ACAN: variants seen among roughly 807,000 people sequenced by gnomAD.
ACAN encodes the protein aggrecan core protein.
Under a neutral mutation model 169.1 loss-of-function variants are expected in ACAN, and 47 were observed. The ratio of observed to expected loss-of-function variants is 0.28; its 90% CI spans 0.22 to 0.35. The LOEUF (loss-of-function observed/expected upper bound fraction) is 0.35. Among genes scored for constraint, ACAN ranks in the 10% least tolerant of loss-of-function variants. The pLI is 1.00. For synonymous variants in ACAN, 1,115 were observed against 1,112.2 expected (o/e 1.00, Z -0.05); for missense variants, 2,716 against 2,759.9 (o/e 0.98, Z 0.36).
chr15:88,816,089 G>A (rs1895936073), intron 1 of ACAN, among the ~76,000 whole-genome samples: 1 of 152,150 alleles, frequency 6.6e-6, no homozygotes, highest in Admixed American at 6.5e-5. Context: ...CTCCCTGTGT[G>A]TCTGTATTTC....
Position 88,849,927 on chromosome 15 carries a change from C to A in ACAN, c.2026+196C>A. The A allele has an allele frequency of 1.3e-6, 1 of 769,548 alleles. No individual in the cohort carries two copies. The allele number at this position is 769,548 out of a possible 1,614,324, so 47.7% of individuals were successfully genotyped here. A position where few individuals can be genotyped will look rare whatever the true frequency, so the allele number is the denominator to read the frequency against. On this transcript the variant is annotated intron_variant, in intron 10 of 18. Transcript: ENST00000560601. This position sits in a 1 kb window ranked among gnomAD's most constrained non-coding sequence, Gnocchi z 5.1. ...GCAAGGTCATCCTTCTAAAGTTCCC[C>A]AGAGACAAGTAGAGATAAATAAGAA...
intron 11 of ACAN, among the ~76,000 whole-genome samples, chr15:88,852,561 G>A (rs759909261): frequency 6.6e-6 from 1 of 152,196 alleles, no homozygotes; most frequent in African/African-American, 2.4e-5. Context: ...AGACTTAACA[G>A]GATGAAAGCA....
chr15:88,848,466 C>T (rs115256122), intron 9 of ACAN, among the ~76,000 whole-genome samples: 4,132 of 152,212 alleles, frequency 0.027, 195 homozygotes, highest in African/African-American at 0.095. Context: ...CCTGTAATCC[C>T]AGCACTTTGA....
chr15:88,860,317 G>C lies in ACAN; in HGVS notation c.6833-9G>C. On this transcript the variant is annotated splice_polypyrimidine_tract_variant and intron_variant, in intron 12 of 18. Coordinates refer to ENST00000560601, the MANE Select transcript of ACAN (RefSeq NM_001369268.1). Reference sequence around the variant, plus strand: ...TCTTGATGCTCAACCTCTCCCCTGGGGGTTGCAGCCCCCGCCAGGTCCTGT... The same window carrying C: ...TCTTGATGCTCAACCTCTCCCCTGGCGGTTGCAGCCCCCGCCAGGTCCTGT... 6.3e-7 allele frequency: 1 copy of C among 1,599,862 alleles called. No individual in the cohort carries two copies. Among genetic ancestry groups the C allele is most frequent in the Non-Finnish European group, 8.5e-7 (1 of 1,172,588 alleles).
intron 11 of ACAN, among the ~76,000 whole-genome samples, chr15:88,852,785 A>G (rs1371312393): frequency 1.3e-5 from 2 of 152,230 alleles, no homozygotes; most frequent in Non-Finnish European, 2.9e-5. Context: ...CATTGTTCAT[A>G]TCTAGCAGCT....
intron 1 of ACAN, among the ~76,000 whole-genome samples, chr15:88,812,463 C>T (rs1837709362): frequency 6.6e-6 from 1 of 152,160 alleles, no homozygotes; most frequent in Admixed American, 6.5e-5. Flanking sequence ...AAGCCCAATC[C>T]CTAGCCTTGG....
rs981398259 is a variant in ACAN at position 88,868,104 on chromosome 15, C to T, written c.6947-112C>T. ...AGTTCTCAGGAAAACCAGCCAGTTC[C>T]CTCCCAGGGGTCTGGAGAGCAGCAG... On this transcript the variant is annotated intron_variant, in intron 13 of 18. Coordinates refer to ENST00000560601, the MANE Select transcript of ACAN (RefSeq NM_001369268.1). The surrounding 1 kb of genome is among the most constrained non-coding windows in gnomAD (Gnocchi z 5.2). 1 of 621,262 alleles carries T rather than the reference C, an allele frequency of 1.6e-6. No individual in the cohort carries two copies. 38.5% of individuals were successfully genotyped at this position (621,262 alleles called of 1,614,324 possible). A position where few individuals can be genotyped will look rare whatever the true frequency, so the allele number is the denominator to read the frequency against.
chr15:88,851,703 C>T lies in ACAN; in HGVS notation c.2027-91C>T. ...ACTAGGAGGTGGGGCCTGGCCACCT[C>T]AGAGTCCCCTAGCTCCCCTCAAGAA... is the stretch of plus-strand genomic sequence containing the variant. On this transcript the variant is annotated intron_variant, in intron 10 of 18. Coordinates refer to ENST00000560601, the MANE Select transcript of ACAN (RefSeq NM_001369268.1). The surrounding 1 kb of genome is among the most constrained non-coding windows in gnomAD (Gnocchi z 4.3). The T allele has an allele frequency of 6.9e-7, 1 of 1,451,226 alleles. No homozygotes were observed. The highest frequency in any genetic ancestry group is 9.1e-7 in the Non-Finnish European group (1 of 1,095,444). 89.9% of individuals were successfully genotyped at this position (1,451,226 alleles called of 1,614,324 possible).
rs1362821498 is a variant in ACAN, at chr15:88,849,803, G to A, written c.2026+72G>A. The A allele has an allele frequency of 1.3e-6, 2 of 1,552,692 alleles. No individual in the cohort carries two copies. The highest frequency in any genetic ancestry group is 1.8e-6 in the Non-Finnish European group (2 of 1,142,772). ...GACCCCACTGGGTTCACCGGATCCT[G>A]CCACCACCCAGTATCCCATCCATCA... On this transcript the variant is annotated intron_variant, in intron 10 of 18. Transcript: ENST00000560601. The surrounding 1 kb of genome is among the most constrained non-coding windows in gnomAD (Gnocchi z 5.1).
At chr15:88,805,176 A>G (rs548199617) in intron 1 of ACAN, among the ~76,000 whole-genome samples, 1 of 152,292 alleles carries the variant, frequency 6.6e-6, no homozygotes, top group African/African-American at 2.4e-5. Flanking sequence ...GCCATGGACA[A>G]GGAGCAATCA....
chr15:88,860,446 C>T lies in ACAN; in HGVS notation c.6946+7C>T. On this transcript the variant is annotated splice_region_variant and intron_variant, in intron 13 of 18. Coordinates refer to ENST00000560601, the MANE Select transcript of ACAN (RefSeq NM_001369268.1). ...GGCGAGCACTGTAACATAGGTAAGG[C>T]CCTCATTGGCCGTGGAGAGTGAGGG... 1 of 1,608,584 alleles carries T rather than the reference C, an allele frequency of 6.2e-7. No homozygotes were observed. The highest frequency in any genetic ancestry group is 8.5e-7 in the Non-Finnish European group (1 of 1,175,974).
At chr15:88,813,289 G>C (rs1488079714) in intron 1 of ACAN, among the ~76,000 whole-genome samples, 4 of 152,240 alleles carry the variant, frequency 2.6e-5, no homozygotes, top group African/African-American at 9.6e-5. Context: ...GAAGTGTACA[G>C]CCACATTCTA....
In ACAN at chr15:88,874,325, G is replaced by A. The variant is rs954119358; in HGVS notation, c.7631-80G>A. The A allele has an allele frequency of 1.5e-6, 2 of 1,340,670 alleles. No homozygotes were observed. Among genetic ancestry groups the A allele is most frequent in the South Asian group, 2.5e-5 (2 of 79,482 alleles). 83.0% of individuals were successfully genotyped at this position (1,340,670 alleles called of 1,614,324 possible). The stretch of plus-strand genomic sequence containing the variant: ...AGTCCTGGTTTCCACAAGGGAGAGA[G>A]GGTAGTCTGGGGAGAGCCTGGGCTC... On this transcript the variant is annotated intron_variant, in intron 18 of 18. Transcript: ENST00000560601. This position sits in a 1 kb window ranked among gnomAD's most constrained non-coding sequence, Gnocchi z 7.3.
At chr15:88,809,101 T>G (rs990047921) in intron 1 of ACAN, among the ~76,000 whole-genome samples, 1 of 152,196 alleles carries the variant, frequency 6.6e-6, no homozygotes, top group Non-Finnish European at 1.5e-5. Context: ...AAATTAGACA[T>G]ACAATAAAAT....
Position 88,857,783 on chromosome 15 carries a change from T to C in ACAN, c.5198T>C (p.Phe1733Ser). Reference sequence around the variant, plus strand: ...GTCAGTGGGGAAATACCTGGACTCTTTGGTGTCAGTGGACAGCCATCAGGG... The same window carrying C: ...GTCAGTGGGGAAATACCTGGACTCTCTGGTGTCAGTGGACAGCCATCAGGG... ...PDVSGEIPGLFGVSGQPSGFP... is the reference protein window; with the variant it reads ...PDVSGEIPGLSGVSGQPSGFP... Residue 1733 changes from phenylalanine (F) to serine (S), a missense_variant, in exon 12 of 19, where the codon TTT (phenylalanine) becomes TCT (serine). Around this residue, in one of 3 missense-constraint regions of ACAN, gnomAD observed 1,389 missense variants for 1,363.7 expected, o/e 1.02. Transcript: ENST00000560601. 1 of 1,613,950 alleles carries C rather than the reference T, an allele frequency of 6.2e-7. No individual in the cohort carries two copies. Among genetic ancestry groups the C allele is most frequent in the South Asian group, 1.1e-5 (1 of 91,084 alleles).
intron 8 of ACAN, 43 bp downstream of exon 8, chr15:88,847,460 G>T: frequency 6.6e-7 from 1 of 1,506,988 alleles, no homozygotes; most frequent in South Asian, 1.3e-5. Context: ...AATTGAAGAG[G>T]TCAGGCTTAA....
At position 88,838,245 on chromosome 15, in the gene ACAN, C is replaced by A. The variant is rs1896555795; in HGVS notation, c.71-418C>A. 6.6e-6 allele frequency among the ~76,000 whole-genome samples: 1 copy of A among 152,140 alleles called. No individual in the cohort carries two copies. Among genetic ancestry groups the A allele is most frequent in the Non-Finnish European group, 1.5e-5 (1 of 68,020 alleles). On this transcript the variant is annotated intron_variant, in intron 2 of 18. Transcript: ENST00000560601. The surrounding 1 kb of genome is among the most constrained non-coding windows in gnomAD (Gnocchi z 5.1). ...CTCAGCTTTAAAATTGTGTAGATTA[C>A]TTTTCTACCCCAACATAATTTTTCC...
At position 88,836,167 on chromosome 15, in the gene ACAN, G is replaced by A. The variant is rs373354169; in HGVS notation, c.-7-33G>A. On this transcript the variant is annotated intron_variant, in intron 1 of 18. Coordinates refer to ENST00000560601, the MANE Select transcript of ACAN (RefSeq NM_001369268.1). ...TGCTTGACCTCACCATGCCTTCACT[G>A]TCTAAATAACGCCTCTGCCTCCCCT... 1.2e-5 allele frequency: 18 copies of A among 1,542,498 alleles called. No individual in the cohort carries two copies. In the African/African-American group the frequency reaches 2.2e-4, roughly 19 times the overall value.
chr15:88,812,685 T>C (rs537493902), intron 1 of ACAN, among the ~76,000 whole-genome samples: 1 of 152,180 alleles, frequency 6.6e-6, no homozygotes, highest in Non-Finnish European at 1.5e-5. Context: ...CTTTTCTTTT[T>C]GTGCCCATCT....
Sources: gnomAD v4.1 joint callset for allele counts (sites outside exome capture counted in the v4.1 genomes callset) on GRCh38, gnomAD v4.1.1 for gene constraint, gnomAD v4.1.1 regional missense constraint, Gnocchi (gnomAD v3.1) non-coding constraint, MANE v1.5 for transcripts, NCBI Gene and HGNC (gene_info 2026-07-23, HGNC 2026-07-21) for gene names.